The following WBP1L variants were observed in gnomAD, a reference collection of about 807,000 sequenced individuals.
WBP1L encodes the protein WW domain binding protein 1 like.
A neutral mutation model predicts 33.7 loss-of-function variants in WBP1L; 17 were observed. The ratio of observed to expected loss-of-function variants is 0.50; its 90% CI spans 0.34 to 0.76. The LOEUF is 0.76. Ranked by LOEUF, WBP1L falls within the 30% of genes least tolerant of loss-of-function variation. The pLI is 0.01. For synonymous variants in WBP1L, 173 were observed against 190.8 expected (o/e 0.91, Z 0.77); for missense variants, 389 against 469.4 (o/e 0.83, Z 1.58).
In WBP1L at chr10:102,798,079, C is replaced by T. The variant is rs753971419; in HGVS notation, c.177C>T (p.Tyr59=). ...GTGGACAGTCTCAGTGCTGCAACTACTACTATGAACTCTGGTGTAAGTCCT... is the reference window on the plus strand; with the variant it reads ...GTGGACAGTCTCAGTGCTGCAACTATTACTATGAACTCTGGTGTAAGTCCT... ...HCCGQSQCCN[Y]YYELWWFWLV... is the part of the protein sequence containing the mutation. Residue 59 remains tyrosine (Y), a synonymous_variant, in exon 2 of 4, where the codon TAC becomes TAT. Coordinates refer to ENST00000448841, the MANE Select transcript of WBP1L (RefSeq NM_001083913.2). 4 of 1,614,160 alleles carry T rather than the reference C, an allele frequency of 2.5e-6. No individual in the cohort carries two copies. Among genetic ancestry groups the T allele is most frequent in the South Asian group, 2.2e-5 (2 of 91,088 alleles).
chr10:102,784,187 A>G (rs1297131073), intron 1 of WBP1L, among the ~76,000 whole-genome samples: 2 of 152,120 alleles, frequency 1.3e-5, no homozygotes, highest in Non-Finnish European at 2.9e-5. Context: ...CCAGGAGGAG[A>G]GGATCTCAGT....
chr10:102,763,963 G>A (rs1286528318), intron 1 of WBP1L, among the ~76,000 whole-genome samples: 2 of 152,098 alleles, frequency 1.3e-5, no homozygotes, highest in Non-Finnish European at 2.9e-5. Context: ...ATAGGTGTGC[G>A]CCACCACGCC....
At chr10:102,807,862 T>TA (rs539655812) in intron 2 of WBP1L, among the ~76,000 whole-genome samples, 23 of 145,956 alleles carry the variant, frequency 1.6e-4, no homozygotes, top group South Asian at 1.3e-3. Flanking sequence ...AATTATTGAT[T>TA]AAAAAAAAAA....
chr10:102,763,750 TAGA>T (rs1459994497), intron 1 of WBP1L, among the ~76,000 whole-genome samples: 12 of 152,220 alleles, frequency 7.9e-5, no homozygotes, highest in Admixed American at 7.9e-4. Context: ...TTCCAGCTGA[TAGA>T]AGGAGCAGCT....
intron 2 of WBP1L, among the ~76,000 whole-genome samples, chr10:102,802,263 A>G (rs1268203610): frequency 6.8e-6 from 1 of 148,146 alleles, no homozygotes; most frequent in East Asian, 2.0e-4. Flanking sequence ...TGCCTCAGCC[A>G]CTTAAGTAGC....
intron 1 of WBP1L, among the ~76,000 whole-genome samples, chr10:102,769,945 C>G (rs1843165869): frequency 6.6e-6 from 1 of 152,214 alleles, no homozygotes; most frequent in Non-Finnish European, 1.5e-5. Context: ...AACGCCTTGT[C>G]CTGCCCAGAA....
intron 1 of WBP1L, 131 bp downstream of exon 1, chr10:102,744,274 A>C: frequency 7.9e-7 from 1 of 1,268,624 alleles, no homozygotes; most frequent in East Asian, 2.9e-5. Flanking sequence ...TGGCGTGGAC[A>C]GGATCTAAAG....
At chr10:102,806,492 T>C (rs1232609247) in intron 2 of WBP1L, among the ~76,000 whole-genome samples, 1 of 152,152 alleles carries the variant, frequency 6.6e-6, no homozygotes, top group African/African-American at 2.4e-5. Context: ...CTGCAAGGGT[T>C]CCTCTGCCAG....
At chr10:102,809,550 T>A (rs1371817630) in intron 2 of WBP1L, among the ~76,000 whole-genome samples, 1 of 151,726 alleles carries the variant, frequency 6.6e-6, no homozygotes, top group Non-Finnish European at 1.5e-5. Flanking sequence ...TTTTGTATTT[T>A]TAGTAGAGAT....
In WBP1L at chr10:102,798,042, C is replaced by G. The variant is rs79433636; in HGVS notation, c.140C>G (p.Thr47Arg). Residue 47 changes from threonine to arginine, a missense_variant, in exon 2 of 4, where the codon ACA (threonine) becomes AGA (arginine). Thr to Arg is a moderately conservative substitution (Grantham distance 71). Coordinates refer to ENST00000448841, the MANE Select transcript of WBP1L (RefSeq NM_001083913.2). ...AACAATCAAAGCTACATCTGTGACA[C>G]AGGACACTGCTGTGGACAGTCTCAG... ...GTNNQSYICD[T>R]GHCCGQSQCC... is the part of the protein sequence containing the mutation. 6.2e-6 allele frequency: 10 copies of G among 1,614,128 alleles called. No individual in the cohort carries two copies. In the East Asian group the frequency reaches 2.2e-4, roughly 36 times the overall value.
chr10:102,756,080 A>G (rs1484121142), intron 1 of WBP1L, among the ~76,000 whole-genome samples: 1 of 150,946 alleles, frequency 6.6e-6, no homozygotes, highest in Non-Finnish European at 1.5e-5. Flanking sequence ...GAGAACCATA[A>G]CATTGTTTGG....
chr10:102,770,709 G>A (rs1223204664), intron 1 of WBP1L, among the ~76,000 whole-genome samples: 1 of 152,132 alleles, frequency 6.6e-6, no homozygotes, highest in African/African-American at 2.4e-5. Flanking sequence ...AGGACCCTAG[G>A]ACCCTGACTT....
chr10:102,783,823 C>T (rs1016575972), intron 1 of WBP1L, among the ~76,000 whole-genome samples: 2 of 152,134 alleles, frequency 1.3e-5, no homozygotes, highest in South Asian at 2.1e-4. Context: ...GGTGGAGAAA[C>T]CTTGGGGTAG....
rs779825627 is a variant in WBP1L, at chr10:102,809,912, C to T, written c.213C>T (p.Thr71=). The T allele has an allele frequency of 7.4e-6, 12 of 1,611,444 alleles. No individual in the cohort carries two copies. The South Asian group carries it at 1.3e-4, about 18-fold the overall frequency. Residue 71 remains threonine, a synonymous_variant, in exon 3 of 4, where the codon ACC becomes ACT. Coordinates refer to ENST00000448841, the MANE Select transcript of WBP1L (RefSeq NM_001083913.2). The part of the protein sequence containing the change: ...YELWWFWLVW[T]IIIILSCCCV... The stretch of plus-strand genomic sequence containing the variant: ...CCCCAGGGTTCTGGCTGGTGTGGAC[C>T]ATCATCATCATCCTGAGCTGCTGCT...
chr10:102,799,213 C>A (rs1219339504), intron 2 of WBP1L, among the ~76,000 whole-genome samples: 1 of 152,044 alleles, frequency 6.6e-6, no homozygotes, highest in Non-Finnish European at 1.5e-5. Flanking sequence ...GCAGTCCCAG[C>A]TACTCAGGAG....
At chr10:102,801,041 A>G (rs531342219) in intron 2 of WBP1L, among the ~76,000 whole-genome samples, 3 of 152,190 alleles carry the variant, frequency 2.0e-5, no homozygotes, top group African/African-American at 4.8e-5. Flanking sequence ...AAAATTCTCA[A>G]TTCTCACACA....
At chr10:102,765,735 T>C (rs1423344133) in intron 1 of WBP1L, among the ~76,000 whole-genome samples, 2 of 152,224 alleles carry the variant, frequency 1.3e-5, no homozygotes, top group Admixed American at 1.3e-4. Context: ...TGAAATGGCT[T>C]TGTTGAGTTT....
At chr10:102,764,074 A>C (rs1352780066) in intron 1 of WBP1L, among the ~76,000 whole-genome samples, 2 of 152,160 alleles carry the variant, frequency 1.3e-5, no homozygotes, top group African/African-American at 2.4e-5. Context: ...TCGGCCTCCC[A>C]AAATGCTGAG....
chr10:102,771,129 C>T (rs1327190506), intron 1 of WBP1L, among the ~76,000 whole-genome samples: 1 of 152,156 alleles, frequency 6.6e-6, no homozygotes, highest in East Asian at 1.9e-4. Flanking sequence ...TCTCCCCTAC[C>T]CCACCCCAGA....
Sources: allele counts gnomAD v4.1 joint callset (sites outside exome capture counted in the v4.1 genomes callset), GRCh38; gene constraint gnomAD v4.1.1; transcripts MANE v1.5; gene names NCBI Gene and HGNC (gene_info 2026-07-23, HGNC 2026-07-21).